Variants in SETD3 observed in about 807,000 individuals in gnomAD.
The protein encoded by SETD3 is actin-histidine N-methyltransferase.
In SETD3, 19 loss-of-function variants were observed where a neutral mutation model predicts 63.0. That is an observed-to-expected ratio of 0.30 (90% CI 0.21 to 0.44). SETD3 has a LOEUF of 0.44. Ranked by LOEUF, SETD3 falls within the 20% of genes least tolerant of loss-of-function variation. The probability of loss-of-function intolerance (pLI) is 1.00; values close to 1 mark genes in which losing one functional copy is unlikely to be tolerated. For synonymous variants in SETD3, 286 were observed against 264.1 expected (o/e 1.08, Z -0.80); for missense variants, 587 against 728.5 (o/e 0.81, Z 2.24).
chr14:99,412,665 T>C (rs745381805), intron 8 of SETD3: 4 of 297,666 alleles, frequency 1.3e-5, no homozygotes, highest in African/African-American at 6.5e-5. Flanking sequence ...AAAATGAATG[T>C]TGAGGCTGGA....
chr14:99,464,480 C>T (rs1360603552), intron 2 of SETD3, among the ~76,000 whole-genome samples: 1 of 152,230 alleles, frequency 6.6e-6, no homozygotes, highest in Non-Finnish European at 1.5e-5. Flanking sequence ...GATGAAGCAG[C>T]AGCGAGCCTG....
intron 6 of SETD3, among the ~76,000 whole-genome samples, chr14:99,451,158 T>A (rs1186223410): frequency 1.3e-5 from 2 of 152,214 alleles, no homozygotes; most frequent in African/African-American, 4.8e-5. Context: ...CAAACCCTAC[T>A]TTTCCACTTA....
intron 6 of SETD3, among the ~76,000 whole-genome samples, chr14:99,455,332 T>C (rs1345666303): frequency 2.0e-5 from 3 of 152,214 alleles, no homozygotes; most frequent in Non-Finnish European, 4.4e-5. Flanking sequence ...ATGCCAAGGA[T>C]CTCAACTCAG....
intron 6 of SETD3, among the ~76,000 whole-genome samples, chr14:99,441,299 G>A (rs1893797603): frequency 6.6e-6 from 1 of 152,168 alleles, no homozygotes; most frequent in Admixed American, 6.5e-5. Context: ...TGCACAGAGG[G>A]CTCACAGCCC....
intron 11 of SETD3, 107 bp from the exon 12 acceptor site, chr14:99,400,366 A>C (rs984706419): frequency 7.2e-6 from 9 of 1,250,412 alleles, no homozygotes; most frequent in Non-Finnish European, 1.0e-5. Context: ...CCATTTTCCC[A>C]CGGTAAAAGC....
Position 99,405,333 on chromosome 14 carries a change from A to G in SETD3, c.963T>C (p.Phe321=). 1 of 1,614,044 alleles carries G rather than the reference A, an allele frequency of 6.2e-7. No individual in the cohort carries two copies. The highest frequency in any genetic ancestry group is 1.3e-5 in the African/African-American group (1 of 75,052). ...CAAAGAAAAAACCACTGTGGATCACAAACTCTGCGTTGGATCGAGTGCCAT... is the reference window on the plus strand; with the variant it reads ...CAAAGAAAAAACCACTGTGGATCACGAACTCTGCGTTGGATCGAGTGCCAT... The part of the protein sequence containing the change: ...IFYGTRSNAE[F]VIHSGFFFDN... The change falls in exon 10 of 13, where the codon TTT becomes TTC. Residue 321 remains phenylalanine, a synonymous_variant. Transcript: ENST00000331768.
In SETD3 at chr14:99,406,574, T is replaced by C. The variant is rs1891694535; in HGVS notation, c.866A>G (p.Asn289Ser). The C allele has an allele frequency of 1.9e-6, 3 of 1,614,182 alleles. No homozygotes were observed. Among genetic ancestry groups the C allele is most frequent in the South Asian group, 2.2e-5 (2 of 91,082 alleles). ...HTNGLITTGY[N>S]LEDDRCECVA... ...ACACTCACAGCGGTCATCTTCCAGG[T>C]TGTAACCAGTAGTGATCTAGCCCGG... Residue 289 changes from asparagine to serine, a missense_variant, in exon 9 of 13, where the codon AAC becomes AGC. Coordinates refer to ENST00000331768, the MANE Select transcript of SETD3 (RefSeq NM_032233.3).
rs1566742968 is a variant in SETD3, at chr14:99,480,802, A to AGGCGGTGGCGGCGGT, written c.-98_-84dup. ...CCGCCGTCCGCCTCAACCAACCCCC[A>AGGCGGTGGCGGCGGT]GGCGGTGGCGGCGGTGGCGGCGGCG... On this transcript the variant is annotated 5_prime_UTR_variant, in exon 1 of 13. Coordinates refer to ENST00000331768, the MANE Select transcript of SETD3 (RefSeq NM_032233.3). The AGGCGGTGGCGGCGGT allele has an allele frequency of 1.2e-5, 2 of 161,824 alleles. No individual in the cohort carries two copies. The highest frequency in any genetic ancestry group is 1.3e-5 in the Non-Finnish European group (1 of 77,034). The allele number at this position is 161,824 out of a possible 1,614,324, so 10.0% of individuals were successfully genotyped here. A position where few individuals can be genotyped will look rare whatever the true frequency, so the allele number is the denominator to read the frequency against.
At chr14:99,457,101 T>C (rs1359590792) in intron 6 of SETD3, among the ~76,000 whole-genome samples, 1 of 152,226 alleles carries the variant, frequency 6.6e-6, no homozygotes, top group East Asian at 1.9e-4. Flanking sequence ...TTCCAGGTCA[T>C]GAAGAGCCAA....
At chr14:99,433,704 T>A (rs558254066) in intron 6 of SETD3, among the ~76,000 whole-genome samples, 1 of 152,328 alleles carries the variant, frequency 6.6e-6, no homozygotes, top group East Asian at 1.9e-4. Context: ...CTGAAAGTGC[T>A]GGGATTACAC....
Position 99,458,369 on chromosome 14 carries a change from C to G in SETD3, c.585G>C (p.Arg195=). Residue 195 remains arginine, a synonymous_variant, in exon 6 of 13, where the codon CGG becomes CGC. Coordinates refer to ENST00000331768, the MANE Select transcript of SETD3 (RefSeq NM_032233.3). Reference sequence around the variant, plus strand: ...GTATAGCTTGTGTGGACTGAAGATACCGAACTTCATCTTCTTCAAAGTAGA... The same window carrying G: ...GTATAGCTTGTGTGGACTGAAGATAGCGAACTTCATCTTCTTCAAAGTAGA... ...TPLYFEEDEV[R]YLQSTQAIHD... 1 of 1,614,030 alleles carries G rather than the reference C, an allele frequency of 6.2e-7. No individual in the cohort carries two copies. Among genetic ancestry groups the G allele is most frequent in the Non-Finnish European group, 8.5e-7 (1 of 1,180,004 alleles).
intron 6 of SETD3, among the ~76,000 whole-genome samples, chr14:99,454,685 C>G (rs1894655507): frequency 6.6e-6 from 1 of 152,214 alleles, no homozygotes; most frequent in Admixed American, 6.5e-5. Flanking sequence ...CTCAGCAACC[C>G]TGGGAGTCAG....
At chr14:99,459,470 T>C (rs1894949054) in intron 4 of SETD3, among the ~76,000 whole-genome samples, 1 of 152,164 alleles carries the variant, frequency 6.6e-6, no homozygotes, top group African/African-American at 2.4e-5. Context: ...CTGAAGCAAA[T>C]ATAACATTTG....
At chr14:99,467,496 C>T (rs1213977343) in intron 1 of SETD3, among the ~76,000 whole-genome samples, 1 of 152,218 alleles carries the variant, frequency 6.6e-6, no homozygotes, top group African/African-American at 2.4e-5. Flanking sequence ...CCCATATCTG[C>T]GGAGGGCATC....
chr14:99,418,956 T>C (rs1341663067), intron 6 of SETD3, among the ~76,000 whole-genome samples: 1 of 152,060 alleles, frequency 6.6e-6, no homozygotes, highest in African/African-American at 2.4e-5. Context: ...AGACAGCGAG[T>C]TTCTAGAAGG....
At chr14:99,453,416 C>T (rs1894574786) in intron 6 of SETD3, among the ~76,000 whole-genome samples, 1 of 152,168 alleles carries the variant, frequency 6.6e-6, no homozygotes, top group Admixed American at 6.6e-5. Flanking sequence ...GTCATGAACC[C>T]TCATTCAAAA....
intron 1 of SETD3, among the ~76,000 whole-genome samples, chr14:99,468,998 C>T (rs575766248): frequency 1.3e-5 from 2 of 152,332 alleles, no homozygotes; most frequent in South Asian, 4.1e-4. Context: ...AAGCTTCTAC[C>T]CAGGTTTCCA....
intron 11 of SETD3, among the ~76,000 whole-genome samples, chr14:99,401,094 G>A (rs969228452): frequency 1.5e-4 from 22 of 149,154 alleles, no homozygotes; most frequent in Non-Finnish European, 2.8e-4. Flanking sequence ...AGCTGTGATC[G>A]CACCACTGCA....
chr14:99,481,548 G>C, upstream of SETD3: 1 of 398,498 alleles, frequency 2.5e-6, no homozygotes, highest in Non-Finnish European at 4.4e-6. Flanking sequence ...AGTAGGTTAT[G>C]GCCAACCGCC....
Sources: allele counts gnomAD v4.1 joint callset (sites outside exome capture counted in the v4.1 genomes callset), GRCh38; gene constraint gnomAD v4.1.1; transcripts MANE v1.5; gene names NCBI Gene and HGNC (gene_info 2026-07-23, HGNC 2026-07-21).